The following ADK variants were observed in gnomAD, a reference collection of about 807,000 sequenced individuals.
The protein encoded by ADK is adenosine kinase.
A neutral mutation model predicts 44.7 loss-of-function variants in ADK; 24 were observed. That is an observed-to-expected ratio of 0.54 (90% CI 0.39 to 0.76). The LOEUF (loss-of-function observed/expected upper bound fraction) is 0.76. Among genes scored for constraint, ADK ranks in the 30% least tolerant of loss-of-function variants. The pLI, the probability that ADK is intolerant of heterozygous loss-of-function variation, is 0.00. For missense variants in ADK, 321 were observed against 425.1 expected, an observed-to-expected ratio of 0.76 and a Z score of 2.15; for synonymous variants, 128 against 142.6, an observed-to-expected ratio of 0.90 and a Z score of 0.73.
At chr10:74,556,156 C>A (rs992460392) in intron 7 of ADK, among the ~76,000 whole-genome samples, 10 of 152,150 alleles carry the variant, frequency 6.6e-5, no homozygotes, top group Non-Finnish European at 1.0e-4. Flanking sequence ...AGCTCCGGGG[C>A]AGCAATTACT....
At chr10:74,315,471 A>T (rs1448664969) in intron 4 of ADK, among the ~76,000 whole-genome samples, 2 of 152,142 alleles carry the variant, frequency 1.3e-5, no homozygotes, top group African/African-American at 4.8e-5. Flanking sequence ...GCTTAACCTA[A>T]TCTTGATTGA....
intron 7 of ADK, among the ~76,000 whole-genome samples, chr10:74,544,955 A>G (rs530039792): frequency 4.8e-4 from 73 of 151,766 alleles, no homozygotes; most frequent in Admixed American, 2.2e-3. Context: ...TAAACTTTCA[A>G]TTCTCTTCTC....
intron 2 of ADK, among the ~76,000 whole-genome samples, chr10:74,223,928 A>G (rs1242772664): frequency 6.6e-6 from 1 of 152,056 alleles, no homozygotes; most frequent in African/African-American, 2.4e-5. Flanking sequence ...TTCTCTACTA[A>G]AAATACAAAA....
intron 4 of ADK, among the ~76,000 whole-genome samples, chr10:74,387,510 A>G (rs2132025327): frequency 6.6e-6 from 1 of 152,318 alleles, no homozygotes; most frequent in Middle Eastern, 3.4e-3. Flanking sequence ...AACATAGGAA[A>G]GGAGGCATGT....
At chr10:74,490,685 C>T (rs1383577274) in intron 6 of ADK, among the ~76,000 whole-genome samples, 2 of 152,114 alleles carry the variant, frequency 1.3e-5, no homozygotes, top group Admixed American at 6.6e-5. Flanking sequence ...ACTTCAATAC[C>T]GTTCGTCTCT....
chr10:74,310,211 A>G (rs1383115927), intron 3 of ADK, among the ~76,000 whole-genome samples: 15 of 152,166 alleles, frequency 9.9e-5, no homozygotes, highest in Non-Finnish European at 2.2e-4. Flanking sequence ...AATTACTAAA[A>G]TTCCCATACT....
chr10:74,232,616 T>G (rs1844813692), intron 3 of ADK, among the ~76,000 whole-genome samples: 1 of 129,402 alleles, frequency 7.7e-6, no homozygotes, highest in Non-Finnish European at 1.5e-5. Context: ...TAACTCATTA[T>G]AAGGATTTAA....
chr10:74,600,469 A>G lies in ADK; in HGVS notation c.853A>G (p.Arg285Gly). 1 of 1,610,700 alleles carries G rather than the reference A, an allele frequency of 6.2e-7. No homozygotes were observed. Among genetic ancestry groups the G allele is most frequent in the Non-Finnish European group, 8.5e-7 (1 of 1,177,854 alleles). The change falls in exon 9 of 11, where the codon AGA (arginine) becomes GGA (glycine). Residue 285 changes from arginine to glycine, a missense_variant. By Grantham distance (125) the Arg-to-Gly change is moderately radical. Coordinates refer to ENST00000539909, the MANE Select transcript of ADK (RefSeq NM_006721.4). Reference protein sequence around the residue: ...RQRIVIFTQGRDDTIMATESE... With the variant: ...RQRIVIFTQGGDDTIMATESE... ...GCGAATCGTGATCTTCACCCAAGGGAGAGATGACACTATAATGGCTACAGG... is the reference window on the plus strand; with the variant it reads ...GCGAATCGTGATCTTCACCCAAGGGGGAGATGACACTATAATGGCTACAGG...
intron 1 of ADK, among the ~76,000 whole-genome samples, chr10:74,166,434 C>T (rs12356618): frequency 0.2 from 30,578 of 152,044 alleles, 4,085 homozygotes; most frequent in African/African-American, 0.38. Context: ...ATCCTCCCAC[C>T]GCAGCCTCCC....
intron 7 of ADK, among the ~76,000 whole-genome samples, chr10:74,574,921 T>C (rs1424465328): frequency 1.3e-5 from 2 of 152,172 alleles, no homozygotes. Flanking sequence ...ATTCATACTA[T>C]GTGTGAGGCA....
intron 3 of ADK, among the ~76,000 whole-genome samples, chr10:74,236,658 A>G (rs1465346072): frequency 6.6e-6 from 1 of 152,192 alleles, no homozygotes; most frequent in Non-Finnish European, 1.5e-5. Flanking sequence ...TTTCCTATAC[A>G]GGCACACCTT....
intron 6 of ADK, among the ~76,000 whole-genome samples, chr10:74,470,024 C>CT (rs372745779): frequency 0.012 from 1,535 of 133,256 alleles, 18 homozygotes; most frequent in Middle Eastern, 0.032. Context: ...TATATACCAC[C>CT]TTTTTTTTTT....
intron 10 of ADK, among the ~76,000 whole-genome samples, chr10:74,684,462 G>A (rs1216725622): frequency 6.6e-6 from 1 of 151,986 alleles, no homozygotes; most frequent in East Asian, 1.9e-4. Flanking sequence ...CTTAAAAGAA[G>A]TAGTAAAACA....
chr10:74,656,945 G>A (rs1589341036), intron 9 of ADK, among the ~76,000 whole-genome samples: 2 of 151,940 alleles, frequency 1.3e-5, no homozygotes, highest in East Asian at 1.9e-4. Flanking sequence ...CTGCATCCTC[G>A]AATTCCTGGA....
At chr10:74,405,470 T>C (rs1368859371) in intron 6 of ADK, among the ~76,000 whole-genome samples, 1 of 152,060 alleles carries the variant, frequency 6.6e-6, no homozygotes, top group Non-Finnish European at 1.5e-5. Flanking sequence ...CATTCTTTTT[T>C]TTTAGATTTT....
intron 6 of ADK, among the ~76,000 whole-genome samples, chr10:74,506,868 A>G (rs1722450252): frequency 6.6e-6 from 1 of 152,198 alleles, no homozygotes; most frequent in Admixed American, 6.5e-5. Context: ...ATTTTTATCA[A>G]TATTTCTAGG....
At chr10:74,322,566 T>C (rs890828073) in intron 4 of ADK, among the ~76,000 whole-genome samples, 1 of 152,224 alleles carries the variant, frequency 6.6e-6, no homozygotes, top group Non-Finnish European at 1.5e-5. Flanking sequence ...TAAGTTTTCA[T>C]AGCTAAAATA....
intron 1 of ADK, among the ~76,000 whole-genome samples, chr10:74,180,304 CT>C (rs1282584657): frequency 6.7e-6 from 1 of 150,254 alleles, no homozygotes; most frequent in Non-Finnish European, 1.5e-5. Context: ...GTGGCGCGAT[CT>C]CGGCTCATTG....
Position 74,527,952 on chromosome 10 carries a change from G to A in ADK, c.726+2526G>A, listed in dbSNP as rs1849122578. On this transcript the variant is annotated intron_variant, in intron 7 of 10. Transcript: ENST00000539909. The stretch of plus-strand genomic sequence containing the variant: ...TTCGACTTCATTGTGGCCTTTGGAT[G>A]AGAAGGGCTGGTTATAAGAAAAAAT... 19 of 775,432 alleles carry A rather than the reference G, an allele frequency of 2.5e-5. No homozygotes were observed. The South Asian group carries it at 2.5e-4, about 10-fold the overall frequency. 48.0% of individuals were successfully genotyped at this position (775,432 alleles called of 1,614,324 possible).
Sources: gnomAD v4.1 joint callset for allele counts (sites outside exome capture counted in the v4.1 genomes callset) on GRCh38, gnomAD v4.1.1 for gene constraint, MANE v1.5 for transcripts, NCBI Gene and HGNC (gene_info 2026-07-23, HGNC 2026-07-21) for gene names.